Variants in RASEF observed in about 807,000 individuals in gnomAD.
The protein encoded by RASEF is RAS and EF-hand domain containing, also known as ras and EF-hand domain-containing protein.
Under a neutral mutation model 90.1 loss-of-function variants are expected in RASEF, and 68 were observed. The observed-to-expected ratio is 0.75, with a 90% CI of 0.62 to 0.92. The LOEUF (loss-of-function observed/expected upper bound fraction) is 0.92, where lower values mean the gene tolerates loss of function less well. Among genes scored for constraint, RASEF ranks in the 40% least tolerant of loss-of-function variants. The probability of loss-of-function intolerance (pLI) is 0.00; values close to 1 mark genes in which losing one functional copy is unlikely to be tolerated. For synonymous variants in RASEF, 331 were observed against 345.2 expected, an observed-to-expected ratio of 0.96 and a Z score of 0.46; for missense variants, 949 against 937.2, an observed-to-expected ratio of 1.01 and a Z score of -0.16.
the RASEF span, among the ~76,000 whole-genome samples, chr9:83,101,089 GT>G: frequency 6.6e-5 from 10 of 152,196 alleles, no homozygotes; most frequent in South Asian, 2.1e-3. Context: ...AGGAGATTCT[GT>G]CCCCCTTTAA....
intron 12 of RASEF, among the ~76,000 whole-genome samples, chr9:82,998,728 C>A (rs1167855079): frequency 6.6e-6 from 1 of 151,642 alleles, no homozygotes; most frequent in African/African-American, 2.4e-5. Context: ...TGGATGAACT[C>A]AGTCATATTT....
At chr9:83,000,036 CAT>C in intron 12 of RASEF, 131 bp downstream of exon 12, 2 of 607,978 alleles carry the variant, frequency 3.3e-6, no homozygotes, top group Non-Finnish European at 5.7e-6. Context: ...CACACACACA[CAT>C]TTATATATGT....
the RASEF span, among the ~76,000 whole-genome samples, chr9:83,178,055 T>A: frequency 6.6e-6 from 1 of 152,180 alleles, no homozygotes; most frequent in Non-Finnish European, 1.5e-5. Context: ...TCTAAAGACT[T>A]TAAATGGTTG....
chr9:83,177,065 T>C, the RASEF span, among the ~76,000 whole-genome samples: 2 of 152,122 alleles, frequency 1.3e-5, no homozygotes, highest in Non-Finnish European at 2.9e-5. Context: ...TAGTAAACAT[T>C]GTATTTCTAT....
At chr9:83,125,478 T>C in the RASEF span, among the ~76,000 whole-genome samples, 1 of 152,212 alleles carries the variant, frequency 6.6e-6, no homozygotes, top group Non-Finnish European at 1.5e-5. Flanking sequence ...GAAACTGATA[T>C]CACTGGCTTC....
At chr9:83,132,633 G>A in the RASEF span, among the ~76,000 whole-genome samples, 1 of 152,088 alleles carries the variant, frequency 6.6e-6, no homozygotes, top group Non-Finnish European at 1.5e-5. Flanking sequence ...TTCCCCTTCA[G>A]GATTTTTTCA....
the RASEF span, among the ~76,000 whole-genome samples, chr9:83,092,388 T>C: frequency 6.6e-6 from 1 of 152,184 alleles, no homozygotes; most frequent in East Asian, 1.9e-4. Context: ...TTCCTTCTGA[T>C]GTTCGGATAT....
chr9:83,064,663 A>G (rs1215682240), upstream of RASEF, among the ~76,000 whole-genome samples: 17 of 152,304 alleles, frequency 1.1e-4, no homozygotes. Context: ...TGCTTGCACA[A>G]CTTTATTCCT....
chr9:83,015,822 T>C lies in RASEF; in HGVS notation c.748A>G (p.Ile250Val), dbSNP rs201661045. Residue 250 changes from isoleucine (I) to valine (V), a missense_variant, in exon 4 of 17, where the codon ATT becomes GTT. Ile to Val is a conservative substitution (Grantham distance 29, BLOSUM62 3). Coordinates refer to ENST00000376447, the MANE Select transcript of RASEF (RefSeq NM_152573.4). ...ATGCCTACCTTTCTTAGCTTTTTAA[T>C]GGTCACCTGCAGATCTCCTACTTCA... The part of the protein sequence containing the change: ...ETEVGDLQVT[I>V]KKLRKLEEQS... The C allele has an allele frequency of 5.6e-6, 9 of 1,613,544 alleles. No homozygotes were observed. Among genetic ancestry groups the C allele is most frequent in the East Asian group, 2.2e-5 (1 of 44,890 alleles).
At chr9:83,048,725 A>G in intron 1 of RASEF, 1 of 985,236 alleles carries the variant, frequency 1.0e-6, no homozygotes, top group Non-Finnish European at 1.2e-6. Context: ...GAGGAGATAA[A>G]TACACATTGA....
intron 3 of RASEF, among the ~76,000 whole-genome samples, chr9:83,021,084 A>G (rs1329038620): frequency 7.2e-5 from 11 of 152,224 alleles, no homozygotes; most frequent in Non-Finnish European, 1.6e-4. Flanking sequence ...AAGGTGAAGA[A>G]TCTAAAAGGA....
chr9:83,007,526 T>A, intron 6 of RASEF, 21 bp from the exon 7 acceptor site: 1 of 1,584,072 alleles, frequency 6.3e-7, no homozygotes, highest in Non-Finnish European at 8.7e-7. Flanking sequence ...GTATTTTATG[T>A]TTGAGTGAGA....
the RASEF span, among the ~76,000 whole-genome samples, chr9:83,132,019 T>A: frequency 6.6e-6 from 1 of 152,192 alleles, no homozygotes; most frequent in Non-Finnish European, 1.5e-5. Flanking sequence ...AAGATGGTAT[T>A]AATAACAACA....
At chr9:83,011,029 T>C (rs1486101331) in intron 5 of RASEF, among the ~76,000 whole-genome samples, 2 of 152,162 alleles carry the variant, frequency 1.3e-5, no homozygotes, top group Non-Finnish European at 2.9e-5. Flanking sequence ...ACAAACTTAA[T>C]AAATTGTGAG....
the RASEF span, among the ~76,000 whole-genome samples, chr9:83,200,706 G>C: frequency 6.6e-6 from 1 of 152,196 alleles, no homozygotes; most frequent in Non-Finnish European, 1.5e-5. Flanking sequence ...TGTGTTCACT[G>C]CTGTATCCCC....
At chr9:83,199,362 A>G in the RASEF span, among the ~76,000 whole-genome samples, 1 of 152,040 alleles carries the variant, frequency 6.6e-6, no homozygotes, top group East Asian at 1.9e-4. Flanking sequence ...ATCTGTAGCT[A>G]TGGAGTTGCT....
rs151221186 is a variant in RASEF at position 83,012,818 on chromosome 9, A to G, written c.766-307T>C. On this transcript the variant is annotated intron_variant, in intron 4 of 16. Transcript: ENST00000376447. Reference sequence around the variant, plus strand: ...TTCTTGCTTTTTTCAGTTATGCTACATTAGAATCTGGATCTTTTTATTCTC... The same window carrying G: ...TTCTTGCTTTTTTCAGTTATGCTACGTTAGAATCTGGATCTTTTTATTCTC... Among the ~76,000 whole-genome samples, 1,479 of 152,342 alleles carry G rather than the reference A, an allele frequency of 9.7e-3. 5 individuals are homozygous for G. Among genetic ancestry groups the G allele is most frequent in the Middle Eastern group, 0.02 (6 of 294 alleles).
At chr9:83,123,946 C>T in the RASEF span, among the ~76,000 whole-genome samples, 2 of 145,174 alleles carry the variant, frequency 1.4e-5, no homozygotes, top group African/African-American at 2.6e-5. Flanking sequence ...ACTCTGTACC[C>T]ATGAAACACT....
the RASEF span, among the ~76,000 whole-genome samples, chr9:83,158,972 G>T: frequency 6.6e-6 from 1 of 151,682 alleles, no homozygotes; most frequent in Admixed American, 6.6e-5. Flanking sequence ...AGATCACAAG[G>T]TCAGGAGATC....
Sources: gnomAD v4.1 joint callset for allele counts (sites outside exome capture counted in the v4.1 genomes callset) on GRCh38, gnomAD v4.1.1 for gene constraint, MANE v1.5 for transcripts, NCBI Gene and HGNC (gene_info 2026-07-23, HGNC 2026-07-21) for gene names.